The following FAT3 variants were observed in gnomAD, a reference collection of about 807,000 sequenced individuals.
FAT3 encodes FAT atypical cadherin 3.
FAT3 carries 95 observed loss-of-function variants against 310.2 expected under a neutral mutation model. The observed-to-expected ratio is 0.31, with a 90% CI of 0.26 to 0.36. The LOEUF (loss-of-function observed/expected upper bound fraction) is 0.36. Ranked by LOEUF, FAT3 falls within the 10% of genes least tolerant of loss-of-function variation. The pLI is 1.00. For missense variants in FAT3, 5,408 were observed against 5,715.6 expected (o/e 0.95, Z 1.74); for synonymous variants, 2,314 against 2,192.9 (o/e 1.06, Z -1.54).
intron 1 of FAT3, among the ~76,000 whole-genome samples, chr11:92,267,095 A>G (rs1331546986): frequency 6.7e-6 from 1 of 149,042 alleles, no homozygotes. Flanking sequence ...CTCAATTCCC[A>G]TCCTGCCGAC....
chr11:92,516,085 C>T (rs1231014230), intron 2 of FAT3, among the ~76,000 whole-genome samples: 1 of 152,120 alleles, frequency 6.6e-6, no homozygotes, highest in East Asian at 1.9e-4. Flanking sequence ...ACCATTCCTT[C>T]TGAAATTATT....
chr11:92,734,183 A>AG (rs1274544873), intron 4 of FAT3, among the ~76,000 whole-genome samples: 1 of 152,168 alleles, frequency 6.6e-6, no homozygotes, highest in Non-Finnish European at 1.5e-5. Context: ...CTGAGTATGG[A>AG]GGTCTACCTG....
intron 2 of FAT3, among the ~76,000 whole-genome samples, chr11:92,434,273 C>CT (rs1177154415): frequency 6.6e-6 from 1 of 152,168 alleles, no homozygotes; most frequent in Admixed American, 6.5e-5. Flanking sequence ...TGAAGGCAGA[C>CT]TGTTGCTATC....
intron 3 of FAT3, among the ~76,000 whole-genome samples, chr11:92,541,237 A>G: frequency 6.6e-6 from 1 of 152,320 alleles, no homozygotes; most frequent in Admixed American, 6.5e-5. Flanking sequence ...TGTGTACTTT[A>G]TACTCAACAG....
At chr11:92,875,422 C>G (rs1386538587) in intron 22 of FAT3, among the ~76,000 whole-genome samples, 2 of 150,166 alleles carry the variant, frequency 1.3e-5, no homozygotes, top group South Asian at 4.3e-4. Context: ...GGTTCAAATC[C>G]ACACCCACTT....
At chr11:92,546,377 C>T (rs1022230759) in intron 3 of FAT3, among the ~76,000 whole-genome samples, 2 of 152,200 alleles carry the variant, frequency 1.3e-5, no homozygotes, top group Non-Finnish European at 2.9e-5. Context: ...TGTTTTCTGA[C>T]ATCTTCACAT....
At chr11:92,723,337 G>A (rs1179888242) in intron 4 of FAT3, among the ~76,000 whole-genome samples, 2 of 152,088 alleles carry the variant, frequency 1.3e-5, no homozygotes, top group African/African-American at 2.4e-5. Context: ...TGCTCCAGTT[G>A]CCAACAAGTT....
intron 3 of FAT3, among the ~76,000 whole-genome samples, chr11:92,625,374 G>A (rs1283456411): frequency 6.6e-6 from 1 of 152,134 alleles, no homozygotes; most frequent in African/African-American, 2.4e-5. Context: ...TTATACACTG[G>A]CTGTCAGATC....
chr11:92,362,092 GCCC>G lies in FAT3; in HGVS notation c.3292+6689_3292+6691del, dbSNP rs1454878954. ...TGGTGTTATGAGGAAAGACTCACAG[GCCC>G]GTGCCTATGCATTTACATTTACCTT... is the stretch of plus-strand genomic sequence containing the variant. On this transcript the variant is annotated intron_variant, in intron 2 of 27. Coordinates refer to ENST00000525166, the MANE Select transcript of FAT3 (RefSeq NM_001367949.2). Among the ~76,000 whole-genome samples, 23 of 152,268 alleles carry G rather than the reference GCCC, an allele frequency of 1.5e-4. No individual in the cohort carries two copies. The East Asian group carries it at 4.1e-3, about 27-fold the overall frequency.
chr11:92,692,088 A>G (rs1821829285), intron 3 of FAT3, among the ~76,000 whole-genome samples: 1 of 152,166 alleles, frequency 6.6e-6, no homozygotes, highest in African/African-American at 2.4e-5. Context: ...GCATAAGATT[A>G]AAGATTAAAA....
intron 2 of FAT3, among the ~76,000 whole-genome samples, chr11:92,368,597 C>T (rs1327085036): frequency 6.6e-6 from 1 of 152,072 alleles, no homozygotes; most frequent in South Asian, 2.1e-4. Context: ...CATGTCTAAT[C>T]ATTTGGTAGT....
chr11:92,754,469 C>CA (rs1213718529), intron 4 of FAT3, among the ~76,000 whole-genome samples: 8 of 149,012 alleles, frequency 5.4e-5, no homozygotes, highest in Non-Finnish European at 8.9e-5. Context: ...ACTAAAAATA[C>CA]AAAAAAAAAT....
chr11:92,464,538 G>A (rs678453), intron 2 of FAT3, among the ~76,000 whole-genome samples: 133,707 of 152,244 alleles, frequency 0.88, 58,772 homozygotes, highest in Admixed American at 0.89. Context: ...AACAACTGTC[G>A]TGGCATGGAT....
At chr11:92,419,079 C>T (rs1198639334) in intron 2 of FAT3, among the ~76,000 whole-genome samples, 1 of 152,104 alleles carries the variant, frequency 6.6e-6, no homozygotes, top group Non-Finnish European at 1.5e-5. Context: ...ACTTACATTC[C>T]CTGAGTGAAA....
intron 3 of FAT3, among the ~76,000 whole-genome samples, chr11:92,688,920 A>T (rs1943712587): frequency 6.6e-6 from 1 of 152,200 alleles, no homozygotes; most frequent in African/African-American, 2.4e-5. Flanking sequence ...CAGAGTGAGT[A>T]TTAAATGTTT....
chr11:92,479,100 C>T (rs912219109), intron 2 of FAT3, among the ~76,000 whole-genome samples: 1 of 151,172 alleles, frequency 6.6e-6, no homozygotes, highest in Non-Finnish European at 1.5e-5. Context: ...CTCCCAGGCT[C>T]AAACAATCCA....
At chr11:92,879,265 G>T (rs1949616718) in intron 22 of FAT3, among the ~76,000 whole-genome samples, 1 of 152,142 alleles carries the variant, frequency 6.6e-6, no homozygotes, top group Admixed American at 6.5e-5. Context: ...GCGTTCTAGT[G>T]AAATGAGAGA....
intron 7 of FAT3, among the ~76,000 whole-genome samples, chr11:92,777,062 A>G (rs1027910840): frequency 6.6e-6 from 1 of 152,216 alleles, no homozygotes; most frequent in Admixed American, 6.5e-5. Context: ...TTTCTTTTGG[A>G]AACCATGAAA....
Position 92,858,906 on chromosome 11 carries a change from T to C in FAT3, c.11501-259T>C, listed in dbSNP as rs80302599. Among the ~76,000 whole-genome samples, 1,406 of 152,300 alleles carry C rather than the reference T, an allele frequency of 9.2e-3. 13 individuals carry two copies. Among genetic ancestry groups the C allele is most frequent in the African/African-American group, 0.032 (1,331 of 41,550 alleles). Reference sequence around the variant, plus strand: ...TTAAGAAAATCCAAGTTGTGGAATTTACCAAGTGGCTCTTGGCATGAGGCA... The same window carrying C: ...TTAAGAAAATCCAAGTTGTGGAATTCACCAAGTGGCTCTTGGCATGAGGCA... On this transcript the variant is annotated intron_variant, in intron 20 of 27. Transcript: ENST00000525166.
Sources: gnomAD v4.1 joint callset for allele counts (sites outside exome capture counted in the v4.1 genomes callset) on GRCh38, gnomAD v4.1.1 for gene constraint, MANE v1.5 for transcripts, NCBI Gene and HGNC (gene_info 2026-07-23, HGNC 2026-07-21) for gene names.